Variants in NUDCD2 observed in about 807,000 individuals in gnomAD.
NUDCD2 encodes the protein nudC domain-containing protein 2.
In NUDCD2, 16 loss-of-function variants were observed where a neutral mutation model predicts 20.8. The ratio of observed to expected loss-of-function variants is 0.77; its 90% CI spans 0.52 to 1.17. The LOEUF (loss-of-function observed/expected upper bound fraction) is 1.17. Ranked by LOEUF, NUDCD2 falls within the 50% of genes most tolerant of loss-of-function variation. The pLI is 0.00. For missense variants in NUDCD2, 199 were observed against 193.9 expected (o/e 1.03, Z -0.16); for synonymous variants, 87 against 72.8 (o/e 1.20, Z -1.00).
chr5:163,447,657 C>A lies in NUDCD2; in HGVS notation c.*6310G>T, dbSNP rs946472540. 2.0e-5 allele frequency: 3 copies of A among 152,114 alleles called. No individual in the cohort carries two copies. The highest frequency in any genetic ancestry group is 1.3e-4 in the Admixed American group (2 of 15,274). The allele number at this position is 152,114 out of a possible 1,614,324, so 9.4% of individuals were successfully genotyped here. A position where few individuals can be genotyped will look rare whatever the true frequency, so the allele number is the denominator to read the frequency against. ...CTTCTACCTAAAACAGCAGAATAAG[C>A]ATTCTTTTCAAGTACACATGGAACA... On this transcript the variant is annotated 3_prime_UTR_variant, in exon 4 of 4. Transcript: ENST00000302764.
At chr5:163,457,664 T>G (rs1382089672) in intron 1 of NUDCD2, 54 bp from the exon 2 acceptor site, 1 of 1,138,632 alleles carries the variant, frequency 8.8e-7, no homozygotes, top group African/African-American at 1.5e-5. Flanking sequence ...TTTTATAAAG[T>G]TTTCATGATT....
chr5:163,453,926 C>A lies in NUDCD2; in HGVS notation c.*41G>T, dbSNP rs1462924393. The A allele has an allele frequency of 1.8e-6, 2 of 1,118,502 alleles. No homozygotes were observed. The highest frequency in any genetic ancestry group is 2.6e-6 in the Non-Finnish European group (2 of 783,142). The allele number at this position is 1,118,502 out of a possible 1,614,324, so 69.3% of individuals were successfully genotyped here. On this transcript the variant is annotated 3_prime_UTR_variant, in exon 4 of 4. Transcript: ENST00000302764. ...TAATCTGTTTATCTGATTAAGTTGG[C>A]AATATCTGCTAGGATCCACAGAATG...
chr5:163,455,112 C>G (rs575623367), intron 3 of NUDCD2, among the ~76,000 whole-genome samples: 2 of 150,406 alleles, frequency 1.3e-5, no homozygotes, highest in Non-Finnish European at 2.9e-5. Context: ...TTGCCAACCG[C>G]TGATGTCGTG....
rs1212626662 is a variant in NUDCD2, at chr5:163,460,057, G to A, written c.-7C>T. 1.3e-6 allele frequency: 2 copies of A among 1,551,984 alleles called. No homozygotes were observed. The highest frequency in any genetic ancestry group is 1.4e-5 in the African/African-American group (1 of 72,490). ...CCTCAAACGGGGCCGACATAATCCA[G>A]TCCCTCCCGGCCGCGGCCGCACCAG... On this transcript the variant is annotated 5_prime_UTR_variant, in exon 1 of 4. Transcript: ENST00000302764.
chr5:163,459,949 C>T lies in NUDCD2; in HGVS notation c.102G>A (p.Val34=). The change falls in exon 1 of 4, where the codon GTG becomes GTA. Residue 34 remains valine (V), a synonymous_variant. Coordinates refer to ENST00000302764, the MANE Select transcript of NUDCD2 (RefSeq NM_145266.6). ...TATCCTGGGCGCGCGTGCCTGGCGGCACCTGAACTTCAATGAACACCTCCT... is the reference window on the plus strand; with the variant it reads ...TATCCTGGGCGCGCGTGCCTGGCGGTACCTGAACTTCAATGAACACCTCCT... ...TLEEVFIEVQ[V]PPGTRAQDIQ... 6.2e-7 allele frequency: 1 copy of T among 1,613,616 alleles called. No homozygotes were observed. The highest frequency in any genetic ancestry group is 2.2e-5 in the East Asian group (1 of 44,806).
In NUDCD2 at chr5:163,452,595, T is replaced by C. The variant is rs1758204488; in HGVS notation, c.*1372A>G. ...CAGAAACAAGGTAGTATTTTGCAAC[T>C]ATCTTCTCAAGAAATAATTATAAAA... On this transcript the variant is annotated 3_prime_UTR_variant, in exon 4 of 4. Coordinates refer to ENST00000302764, the MANE Select transcript of NUDCD2 (RefSeq NM_145266.6). The C allele has an allele frequency of 6.6e-6, 1 of 152,230 alleles. No homozygotes were observed. The highest frequency in any genetic ancestry group is 6.5e-5 in the Admixed American group (1 of 15,290). 9.4% of individuals were successfully genotyped at this position (152,230 alleles called of 1,614,324 possible).
rs575000210 is a variant in NUDCD2, at chr5:163,448,688, A to G, written c.*5279T>C. ...ACACAAGGAAAAAACAAACAAAAAC[A>G]ATTGCACAATATCCAAAATGAACAC... On this transcript the variant is annotated 3_prime_UTR_variant, in exon 4 of 4. Coordinates refer to ENST00000302764, the MANE Select transcript of NUDCD2 (RefSeq NM_145266.6). 1.4e-4 allele frequency: 22 copies of G among 152,338 alleles called. No individual in the cohort carries two copies. Among genetic ancestry groups the G allele is most frequent in the African/African-American group, 5.0e-4 (21 of 41,586 alleles). 9.4% of individuals were successfully genotyped at this position (152,338 alleles called of 1,614,324 possible). A position where few individuals can be genotyped will look rare whatever the true frequency, so the allele number is the denominator to read the frequency against.
Position 163,460,062 on chromosome 5 carries a change from T to G in NUDCD2, c.-12A>C. ...AACGGGGCCGACATAATCCAGTCCC[T>G]CCCGGCCGCGGCCGCACCAGGCGGA... On this transcript the variant is annotated 5_prime_UTR_variant, in exon 1 of 4. Coordinates refer to ENST00000302764, the MANE Select transcript of NUDCD2 (RefSeq NM_145266.6). The G allele has an allele frequency of 6.5e-7, 1 of 1,537,632 alleles. No individual in the cohort carries two copies. Among genetic ancestry groups the G allele is most frequent in the Non-Finnish European group, 8.7e-7 (1 of 1,143,394 alleles).
Position 163,448,695 on chromosome 5 carries a change from CA to C in NUDCD2, c.*5271del, listed in dbSNP as rs1266318057. 1 of 151,938 alleles carries C rather than the reference CA, an allele frequency of 6.6e-6. No individual in the cohort carries two copies. The highest frequency in any genetic ancestry group is 1.5e-5 in the Non-Finnish European group (1 of 67,972). The allele number at this position is 151,938 out of a possible 1,614,324, so 9.4% of individuals were successfully genotyped here. On this transcript the variant is annotated 3_prime_UTR_variant, in exon 4 of 4. Coordinates refer to ENST00000302764, the MANE Select transcript of NUDCD2 (RefSeq NM_145266.6). ...GAAAAAACAAACAAAAACAATTGCA[CA>C]ATATCCAAAATGAACACAGACATAA...
intron 1 of NUDCD2, among the ~76,000 whole-genome samples, chr5:163,458,028 GC>G (rs1343472914): frequency 2.7e-5 from 3 of 109,672 alleles, no homozygotes; most frequent in East Asian, 6.3e-4. Context: ...TCGCTCTGTC[GC>G]CCAGGCTGCA....
At chr5:163,457,511 A>C in intron 2 of NUDCD2, 51 bp downstream of exon 2, 1 of 1,057,604 alleles carries the variant, frequency 9.5e-7, no homozygotes, top group Non-Finnish European at 1.5e-6. Context: ...AGAGGAAAAG[A>C]TATCAAGACA....
intron 2 of NUDCD2, 58 bp from the exon 3 acceptor site, chr5:163,457,138 T>TG: frequency 6.8e-7 from 1 of 1,465,888 alleles, no homozygotes; most frequent in African/African-American, 1.5e-5. Context: ...TTCATCAAGT[T>TG]GTTTTTTTTT....
At position 163,447,271 on chromosome 5, in the gene NUDCD2, G is replaced by A. The variant is rs944011429; in HGVS notation, c.*6696C>T. Reference sequence around the variant, plus strand: ...GTTCAAGACCAGCCTACTCAACATAGGGAGACCCTATCTCTACAAAAAATC... The same window carrying A: ...GTTCAAGACCAGCCTACTCAACATAAGGAGACCCTATCTCTACAAAAAATC... On this transcript the variant is annotated 3_prime_UTR_variant, in exon 4 of 4. Coordinates refer to ENST00000302764, the MANE Select transcript of NUDCD2 (RefSeq NM_145266.6). 2 of 152,364 alleles carry A rather than the reference G, an allele frequency of 1.3e-5. No homozygotes were observed. Among genetic ancestry groups the A allele is most frequent in the Non-Finnish European group, 1.5e-5 (1 of 68,060 alleles). 9.4% of individuals were successfully genotyped at this position (152,364 alleles called of 1,614,324 possible). A position where few individuals can be genotyped will look rare whatever the true frequency, so the allele number is the denominator to read the frequency against.
chr5:163,456,554 T>C (rs1156971221), intron 3 of NUDCD2, among the ~76,000 whole-genome samples: 1 of 151,972 alleles, frequency 6.6e-6, no homozygotes, highest in Non-Finnish European at 1.5e-5. Flanking sequence ...AAACAAGCAA[T>C]AGCCAACATA....
Position 163,457,576 on chromosome 5 carries a change from C to T in NUDCD2, c.224G>A (p.Gly75Glu). Residue 75 changes from glycine (G) to glutamate (E), a missense_variant, in exon 2 of 4, where the codon GGA (glycine) becomes GAA (glutamate). Physicochemically the swap from Gly to Glu is moderately conservative, Grantham distance 98 (BLOSUM62 -2). Transcript: ENST00000302764. ...ATTACCCTTACCCAAAGTCCATGTTCCCTCATCAGCTATTGTAGAATCAAA... is the reference window on the plus strand; with the variant it reads ...ATTACCCTTACCCAAAGTCCATGTTTCCTCATCAGCTATTGTAGAATCAAA... The part of the protein sequence containing the change: ...KLFDSTIADE[G>E]TWTLEDRKMV... 2 of 1,577,818 alleles carry T rather than the reference C, an allele frequency of 1.3e-6. No individual in the cohort carries two copies. The highest frequency in any genetic ancestry group is 1.7e-6 in the Non-Finnish European group (2 of 1,147,586).
In NUDCD2 at chr5:163,447,602, T is replaced by C. The variant is rs927618520; in HGVS notation, c.*6365A>G. On this transcript the variant is annotated 3_prime_UTR_variant, in exon 4 of 4. Coordinates refer to ENST00000302764, the MANE Select transcript of NUDCD2 (RefSeq NM_145266.6). ...ATGTAGGAAAATGGAATAATACTAATAACCAGCTAGATTTAATTGACATAA... is the reference window on the plus strand; with the variant it reads ...ATGTAGGAAAATGGAATAATACTAACAACCAGCTAGATTTAATTGACATAA... The C allele has an allele frequency of 1.9e-4, 29 of 152,156 alleles. No individual in the cohort carries two copies. The highest frequency in any genetic ancestry group is 5.8e-4 in the African/African-American group (24 of 41,440). The allele number at this position is 152,156 out of a possible 1,614,324, so 9.4% of individuals were successfully genotyped here. A position where few individuals can be genotyped will look rare whatever the true frequency, so the allele number is the denominator to read the frequency against.
chr5:163,457,088 A>C lies in NUDCD2; in HGVS notation c.239-8T>G, dbSNP rs1178806633. 73 of 1,589,554 alleles carry C rather than the reference A, an allele frequency of 4.6e-5. No homozygotes were observed. Among genetic ancestry groups the C allele is most frequent in the Non-Finnish European group, 5.9e-5 (69 of 1,173,032 alleles). On this transcript the variant is annotated splice_region_variant and splice_polypyrimidine_tract_variant and intron_variant, in intron 2 of 3. Coordinates refer to ENST00000302764, the MANE Select transcript of NUDCD2 (RefSeq NM_145266.6). ...GAACCATTTTTCTGTCCTCTAAAAAAAAAACACACACACACACACGCACAA... is the reference window on the plus strand; with the variant it reads ...GAACCATTTTTCTGTCCTCTAAAAACAAAACACACACACACACACGCACAA...
chr5:163,457,826 C>T (rs375781211), intron 1 of NUDCD2, among the ~76,000 whole-genome samples: 2 of 152,010 alleles, frequency 1.3e-5, no homozygotes, highest in African/African-American at 2.4e-5. Flanking sequence ...GAACACAGAG[C>T]TCTCTAAAGA....
In NUDCD2 at chr5:163,456,910, T is replaced by C; in HGVS notation, c.390+19A>G. ...TTATATATTTAATTACACATACTCA[T>C]ACACTTCATCTGACTTACTTCTTTT... On this transcript the variant is annotated intron_variant, in intron 3 of 3. Transcript: ENST00000302764. 6.4e-7 allele frequency: 1 copy of C among 1,565,026 alleles called. No homozygotes were observed. Among genetic ancestry groups the C allele is most frequent in the Non-Finnish European group, 8.7e-7 (1 of 1,148,980 alleles).
Sources: gnomAD v4.1 joint callset for allele counts (sites outside exome capture counted in the v4.1 genomes callset) on GRCh38, gnomAD v4.1.1 for gene constraint, MANE v1.5 for transcripts, NCBI Gene and HGNC (gene_info 2026-07-23, HGNC 2026-07-21) for gene names.